The following ARHGAP12 variants were observed in gnomAD, a reference collection of about 807,000 sequenced individuals.
ARHGAP12 encodes the protein rho GTPase-activating protein 12.
A neutral mutation model predicts 108.6 loss-of-function variants in ARHGAP12; 64 were observed. The ratio of observed to expected loss-of-function variants is 0.59; its 90% CI spans 0.48 to 0.73. The LOEUF (loss-of-function observed/expected upper bound fraction) is 0.73. ARHGAP12 is among the 30% of genes least tolerant of loss of function. The probability of loss-of-function intolerance (pLI) is 0.00; values close to 1 mark genes in which losing one functional copy is unlikely to be tolerated. For synonymous variants in ARHGAP12, 312 were observed against 337.2 expected (o/e 0.93, Z 0.82); for missense variants, 940 against 1,005.9 (o/e 0.93, Z 0.89).
chr10:31,912,818 T>G (rs548689841), intron 1 of ARHGAP12, among the ~76,000 whole-genome samples: 2 of 152,140 alleles, frequency 1.3e-5, no homozygotes, highest in African/African-American at 4.8e-5. Flanking sequence ...GAAAGCCACA[T>G]AGCAGGAACT....
At chr10:31,885,006 G>A (rs1838139555) in intron 3 of ARHGAP12, among the ~76,000 whole-genome samples, 1 of 152,066 alleles carries the variant, frequency 6.6e-6, no homozygotes, top group Admixed American at 6.6e-5. Flanking sequence ...GAGTACATGA[G>A]ATGTTTTGAT....
Position 31,908,842 on chromosome 10 carries a change from T to A in ARHGAP12, c.14A>T (p.Asp5Val), listed in dbSNP as rs774542674. ...TCCTGGAATAATCTTCCCACTTCTG[T>A]CAGCCATTTTCATTCAATAATATTC... MKMA[D>V]RSGKIIPGQV... Residue 5 changes from aspartate (D) to valine (V), a missense_variant, in exon 3 of 20, where the codon GAC becomes GTC. Asp to Val is a radical substitution (Grantham distance 152). Transcript: ENST00000344936. 2.5e-6 allele frequency: 4 copies of A among 1,589,176 alleles called. No individual in the cohort carries two copies. Among genetic ancestry groups the A allele is most frequent in the Non-Finnish European group, 3.4e-6 (4 of 1,172,702 alleles).
chr10:31,839,414 A>C, intron 8 of ARHGAP12, 95 bp from the exon 9 acceptor site: 1 of 1,316,252 alleles, frequency 7.6e-7, no homozygotes, highest in Non-Finnish European at 1.0e-6. Flanking sequence ...ACTTAAAAAT[A>C]TGGTATATAA....
intron 13 of ARHGAP12, among the ~76,000 whole-genome samples, chr10:31,817,487 GAATA>G (rs1181225460): frequency 3.3e-5 from 5 of 152,096 alleles, no homozygotes; most frequent in Non-Finnish European, 7.3e-5. Flanking sequence ...TTCAGTTATT[GAATA>G]AATACTATGT....
chr10:31,883,746 C>G (rs1046884168), intron 3 of ARHGAP12, among the ~76,000 whole-genome samples: 1 of 148,530 alleles, frequency 6.7e-6, no homozygotes, highest in African/African-American at 2.5e-5. Context: ...ACGTATTGCT[C>G]TGTCACCCAG....
chr10:31,855,972 C>T (rs1457604700), intron 4 of ARHGAP12, among the ~76,000 whole-genome samples: 1 of 152,042 alleles, frequency 6.6e-6, no homozygotes, highest in East Asian at 1.9e-4. Context: ...TTTTGGCAAG[C>T]ATTCTATAGA....
intron 3 of ARHGAP12, among the ~76,000 whole-genome samples, chr10:31,882,008 G>A (rs1837986600): frequency 1.3e-5 from 2 of 148,712 alleles, no homozygotes; most frequent in Non-Finnish European, 3.0e-5. Context: ...TCCGCCTCCC[G>A]GGTTCACGCC....
Position 31,908,304 on chromosome 10 carries a change from C to T in ARHGAP12, c.552G>A (p.Glu184=), listed in dbSNP as rs1422773171. ...AGCTAGTTTTCTCTACATCCAAGAA[C>T]TCTGGACCGGGAAAATGACCAAATG... ...TRSFGHFPGP[E]FLDVEKTSFS... The change falls in exon 3 of 20, where the codon GAG becomes GAA. Residue 184 remains glutamate (E), a synonymous_variant. Coordinates refer to ENST00000344936, the MANE Select transcript of ARHGAP12 (RefSeq NM_018287.7). 6.2e-7 allele frequency: 1 copy of T among 1,614,154 alleles called. No homozygotes were observed. Among genetic ancestry groups the T allele is most frequent in the Non-Finnish European group, 8.5e-7 (1 of 1,180,026 alleles).
intron 1 of ARHGAP12, among the ~76,000 whole-genome samples, chr10:31,927,343 C>T (rs1840093267): frequency 1.3e-5 from 2 of 152,104 alleles, no homozygotes; most frequent in Non-Finnish European, 2.9e-5. Flanking sequence ...AGTACACACA[C>T]ATCTAGGCCA....
At chr10:31,808,965 G>C in intron 18 of ARHGAP12, 29 bp downstream of exon 18, 3 of 1,538,848 alleles carry the variant, frequency 1.9e-6, no homozygotes, top group Non-Finnish European at 2.6e-6. Context: ...TCAATATCTA[G>C]AAAAAACTGA....
At position 31,806,352 on chromosome 10, in the gene ARHGAP12, T is replaced by C. The variant is rs1344710129; in HGVS notation, c.*1306A>G. 2 of 152,638 alleles carry C rather than the reference T, an allele frequency of 1.3e-5. No homozygotes were observed. The highest frequency in any genetic ancestry group is 1.3e-4 in the Admixed American group (2 of 15,276). The allele number at this position is 152,638 out of a possible 1,614,324, so 9.5% of individuals were successfully genotyped here. ...TATTAGACATTTCATGTACAGAAGT[T>C]AATCTAGAAAAATACATTTTAAAAA... On this transcript the variant is annotated 3_prime_UTR_variant, in exon 20 of 20. Transcript: ENST00000344936.
chr10:31,882,340 T>C (rs1019258769), intron 3 of ARHGAP12, among the ~76,000 whole-genome samples: 1 of 152,144 alleles, frequency 6.6e-6, no homozygotes, highest in Non-Finnish European at 1.5e-5. Flanking sequence ...GTAATTACTT[T>C]TTGTCCCCAA....
At chr10:31,853,160 C>A (rs112714212) in intron 5 of ARHGAP12, among the ~76,000 whole-genome samples, 2 of 152,292 alleles carry the variant, frequency 1.3e-5, no homozygotes, top group African/African-American at 4.8e-5. Context: ...TGCTCAAGCA[C>A]CACTTAACAA....
chr10:31,855,108 GAGGGA>G (rs1324780118), intron 4 of ARHGAP12, among the ~76,000 whole-genome samples: 6,514 of 90,882 alleles, frequency 0.072, 451 homozygotes, highest in Non-Finnish European at 0.1. Flanking sequence ...GAGGGGAGGG[GAGGGA>G]GAGGAAGGGA....
chr10:31,920,465 A>AAAAAAAAAAAAAAAC (rs1839753621), intron 1 of ARHGAP12, among the ~76,000 whole-genome samples: 1 of 151,050 alleles, frequency 6.6e-6, no homozygotes, highest in Non-Finnish European at 1.5e-5. Flanking sequence ...AAAAAAAAAA[A>AAAAAAAAAAAAAAAC]AAAAAAGAAA....
At chr10:31,833,446 G>C (rs183640893) in intron 9 of ARHGAP12, among the ~76,000 whole-genome samples, 3 of 151,850 alleles carry the variant, frequency 2.0e-5, no homozygotes, top group Non-Finnish European at 1.5e-5. Context: ...GAGAGGGAGA[G>C]TCTAGATCAG....
At chr10:31,905,482 G>A (rs2132446798) in intron 3 of ARHGAP12, among the ~76,000 whole-genome samples, 1 of 152,310 alleles carries the variant, frequency 6.6e-6, no homozygotes, top group Admixed American at 6.5e-5. Context: ...AACCACACTG[G>A]AGAGGTTATC....
intron 3 of ARHGAP12, among the ~76,000 whole-genome samples, chr10:31,893,831 C>T (rs1838559692): frequency 1.3e-5 from 2 of 152,120 alleles, no homozygotes; most frequent in African/African-American, 2.4e-5. Flanking sequence ...TGACGAACAT[C>T]AATGGAAAAA....
Position 31,807,576 on chromosome 10 carries a change from C to A in ARHGAP12, c.*82G>T. 7.0e-7 allele frequency: 1 copy of A among 1,421,526 alleles called. No homozygotes were observed. The highest frequency in any genetic ancestry group is 1.4e-5 in the South Asian group (1 of 70,454). The allele number at this position is 1,421,526 out of a possible 1,614,324, so 88.1% of individuals were successfully genotyped here. On this transcript the variant is annotated 3_prime_UTR_variant, in exon 20 of 20. Coordinates refer to ENST00000344936, the MANE Select transcript of ARHGAP12 (RefSeq NM_018287.7). The stretch of plus-strand genomic sequence containing the variant: ...AAAATCAAAGAGTCACTGCTTGGTC[C>A]AAAAAATAAAATACATTGTGTATAA...
Sources: allele counts gnomAD v4.1 joint callset (sites outside exome capture counted in the v4.1 genomes callset), GRCh38; gene constraint gnomAD v4.1.1; transcripts MANE v1.5; gene names NCBI Gene and HGNC (gene_info 2026-07-23, HGNC 2026-07-21).